The following KAT6A variants were observed in gnomAD, a reference collection of about 807,000 sequenced individuals.
KAT6A encodes histone acetyltransferase KAT6A.
KAT6A carries 9 observed loss-of-function variants against 198.4 expected under a neutral mutation model. That is an observed-to-expected ratio of 0.05 (90% CI 0.03 to 0.08). The LOEUF (loss-of-function observed/expected upper bound fraction) is 0.08. Among genes scored for constraint, KAT6A ranks in the 10% least tolerant of loss-of-function variants. KAT6A has a pLI of 1.00. For missense variants in KAT6A, 2,077 were observed against 2,509.9 expected, an observed-to-expected ratio of 0.83 and a Z score of 3.69; for synonymous variants, 890 against 883.0, an observed-to-expected ratio of 1.01 and a Z score of -0.14.
chr8:42,024,521 A>C (rs781323668), intron 2 of KAT6A, among the ~76,000 whole-genome samples: 10 of 152,190 alleles, frequency 6.6e-5, no homozygotes, highest in Non-Finnish European at 8.8e-5. Context: ...CCCACTAAGC[A>C]ATGAAATTAG....
At chr8:41,943,576 CATAT>C (rs1395866525) in intron 13 of KAT6A, among the ~76,000 whole-genome samples, 168 bp downstream of exon 13, 22 of 151,588 alleles carry the variant, frequency 1.5e-4, no homozygotes, top group Non-Finnish European at 1.5e-5. Context: ...ATATATAGAC[CATAT>C]ATATAGTCAA....
chr8:41,963,891 G>T (rs1823328546), intron 8 of KAT6A, among the ~76,000 whole-genome samples: 1 of 151,930 alleles, frequency 6.6e-6, no homozygotes, highest in Admixed American at 6.6e-5. Flanking sequence ...ACAGCTCCGA[G>T]AATACACGAT....
At chr8:42,025,428 G>C (rs756645004) in intron 2 of KAT6A, among the ~76,000 whole-genome samples, 1 of 77,058 alleles carries the variant, frequency 1.3e-5, no homozygotes. Flanking sequence ...GGGTAGGCTG[G>C]TCTCGAACTC....
At chr8:42,051,450 GCGGCCCGGCC>G (rs1483076470) in intron 1 of KAT6A, among the ~76,000 whole-genome samples, 17 of 149,380 alleles carry the variant, frequency 1.1e-4, no homozygotes, top group African/African-American at 3.6e-4. Context: ...GCGGGGAGAA[GCGGCCCGGCC>G]CGGCACAGCC....
chr8:42,017,640 G>C (rs1826339930), intron 2 of KAT6A, among the ~76,000 whole-genome samples: 1 of 152,282 alleles, frequency 6.6e-6, no homozygotes, highest in South Asian at 2.1e-4. Flanking sequence ...ACTACAGTGT[G>C]CTGGAAGGCA....
At chr8:42,008,227 G>A (rs182184756) in intron 2 of KAT6A, among the ~76,000 whole-genome samples, 2 of 152,240 alleles carry the variant, frequency 1.3e-5, no homozygotes, top group African/African-American at 2.4e-5. Context: ...GAACATGACA[G>A]GCTTGATCCA....
chr8:42,024,793 A>G (rs1253263763), intron 2 of KAT6A, among the ~76,000 whole-genome samples: 1 of 152,148 alleles, frequency 6.6e-6, no homozygotes, highest in East Asian at 1.9e-4. Context: ...GTAGTATTCC[A>G]TGGTGTGTAT....
At chr8:41,950,011 A>G (rs1336702306) in intron 9 of KAT6A, among the ~76,000 whole-genome samples, 1 of 152,192 alleles carries the variant, frequency 6.6e-6, no homozygotes, top group Admixed American at 6.5e-5. Flanking sequence ...TATGGTATAC[A>G]ATATTGTTTT....
chr8:42,030,838 A>G (rs1472907222), intron 2 of KAT6A, among the ~76,000 whole-genome samples: 1 of 152,062 alleles, frequency 6.6e-6, no homozygotes, highest in Non-Finnish European at 1.5e-5. Flanking sequence ...TCAGTCTCAC[A>G]AAGTGCTGGA....
chr8:41,949,778 T>G (rs1822576790), intron 9 of KAT6A, among the ~76,000 whole-genome samples: 1 of 152,274 alleles, frequency 6.6e-6, no homozygotes, highest in South Asian at 2.1e-4. Context: ...CTACTAAAGC[T>G]TTTCCCAAGG....
chr8:42,015,546 C>T (rs751129097), intron 2 of KAT6A, among the ~76,000 whole-genome samples: 3 of 152,162 alleles, frequency 2.0e-5, no homozygotes, highest in African/African-American at 7.2e-5. Context: ...AAAGCTTTTG[C>T]TGCCAAACCA....
intron 2 of KAT6A, among the ~76,000 whole-genome samples, chr8:42,037,063 A>G (rs913642114): frequency 2.0e-5 from 3 of 152,236 alleles, no homozygotes; most frequent in Non-Finnish European, 4.4e-5. Context: ...AATGGTTCTC[A>G]ACCCCAGCTG....
chr8:41,957,610 T>C (rs754154323), intron 8 of KAT6A: 3 of 223,794 alleles, frequency 1.3e-5, no homozygotes, highest in South Asian at 5.6e-5. Context: ...AATTTAAATA[T>C]GCCAAATTAT....
At chr8:42,044,346 C>A (rs895665116) in intron 2 of KAT6A, among the ~76,000 whole-genome samples, 1 of 151,980 alleles carries the variant, frequency 6.6e-6, no homozygotes, top group Admixed American at 6.6e-5. Flanking sequence ...TGATCCACCC[C>A]CCCCTCGGCA....
chr8:42,019,435 GA>G (rs1826426350), intron 2 of KAT6A, among the ~76,000 whole-genome samples: 1 of 152,162 alleles, frequency 6.6e-6, no homozygotes. Flanking sequence ...AGGCAGGTCA[GA>G]AGAGAAGAAA....
intron 6 of KAT6A, 88 bp downstream of exon 6, chr8:41,978,553 AT>A (rs1824183454): frequency 5.1e-6 from 7 of 1,386,104 alleles, no homozygotes; most frequent in Middle Eastern, 3.7e-4. Context: ...TGACAATGGA[AT>A]TTTTTTCATA....
At chr8:41,987,237 T>C (rs962651320) in intron 3 of KAT6A, among the ~76,000 whole-genome samples, 2 of 152,178 alleles carry the variant, frequency 1.3e-5, no homozygotes, top group African/African-American at 4.8e-5. Context: ...CCCAGATGTG[T>C]AGTAGGCCAT....
At chr8:42,008,063 T>C (rs1269766378) in intron 2 of KAT6A, among the ~76,000 whole-genome samples, 1 of 152,034 alleles carries the variant, frequency 6.6e-6, no homozygotes, top group Non-Finnish European at 1.5e-5. Flanking sequence ...CTTCATTTTA[T>C]TGATAAGGAA....
chr8:41,937,967 G>A (rs1464928434), intron 15 of KAT6A, among the ~76,000 whole-genome samples: 1 of 152,178 alleles, frequency 6.6e-6, no homozygotes, highest in Non-Finnish European at 1.5e-5. Context: ...TACTGTGAAG[G>A]TTTGCAGAAC....
Sources: gnomAD v4.1 joint callset for allele counts (sites outside exome capture counted in the v4.1 genomes callset) on GRCh38, gnomAD v4.1.1 for gene constraint, MANE v1.5 for transcripts, NCBI Gene and HGNC (gene_info 2026-07-23, HGNC 2026-07-21) for gene names.